KALRN: variants seen among roughly 807,000 people sequenced by gnomAD.
The protein encoded by KALRN is kalirin RhoGEF kinase, also known as kalirin.
In KALRN, 70 loss-of-function variants were observed where a neutral mutation model predicts 353.7. The ratio of observed to expected loss-of-function variants is 0.20; its 90% CI spans 0.16 to 0.24. KALRN has a LOEUF of 0.24. Ranked by LOEUF, KALRN falls within the 10% of genes least tolerant of loss-of-function variation. KALRN has a pLI of 1.00. For missense variants in KALRN, 2,791 were observed against 3,756.7 expected (o/e 0.74, Z 6.72); for synonymous variants, 1,391 against 1,434.8 (o/e 0.97, Z 0.69).
chr3:124,696,038 C>T, intron 53 of KALRN, 96 bp from the exon 54 acceptor site: 1 of 1,329,258 alleles, frequency 7.5e-7, no homozygotes, highest in Non-Finnish European at 1.1e-6. Context: ...TGAGGACTCT[C>T]AGCTCAGCAC....
chr3:124,441,554 A>G (rs2093665803), intron 18 of KALRN, among the ~76,000 whole-genome samples: 1 of 152,186 alleles, frequency 6.6e-6, no homozygotes, highest in African/African-American at 2.4e-5. Flanking sequence ...GCCAGGTGCC[A>G]TGGCTCATGC....
intron 28 of KALRN, among the ~76,000 whole-genome samples, chr3:124,485,325 A>G (rs1431998163): frequency 6.6e-6 from 1 of 152,184 alleles, no homozygotes; most frequent in Non-Finnish European, 1.5e-5. Flanking sequence ...GCAGTTCTAA[A>G]AGAAATATAG....
At chr3:124,538,442 T>G (rs982229789) in intron 33 of KALRN, among the ~76,000 whole-genome samples, 5 of 152,148 alleles carry the variant, frequency 3.3e-5, no homozygotes, top group Non-Finnish European at 7.4e-5. Flanking sequence ...GCATTGTGAA[T>G]AAGGTGGGAC....
intron 10 of KALRN, among the ~76,000 whole-genome samples, chr3:124,356,207 C>T (rs1249518772): frequency 6.6e-6 from 1 of 152,040 alleles, no homozygotes; most frequent in Non-Finnish European, 1.5e-5. Flanking sequence ...TCTCTCTGGC[C>T]CACTGAGGTT....
chr3:124,138,897 G>A (rs946231158), intron 1 of KALRN, among the ~76,000 whole-genome samples: 3 of 152,138 alleles, frequency 2.0e-5, no homozygotes, highest in African/African-American at 7.2e-5. Flanking sequence ...TAGTGTGAGG[G>A]AGCCCAAAAG....
At chr3:124,690,389 T>G (rs1265157091) in intron 51 of KALRN, among the ~76,000 whole-genome samples, 1 of 152,208 alleles carries the variant, frequency 6.6e-6, no homozygotes, top group Non-Finnish European at 1.5e-5. Context: ...GGGAGGAATC[T>G]TCTATGACCG....
chr3:124,276,959 ACACACACATGTGTGCACACGTG>A (rs1187213967), intron 5 of KALRN, among the ~76,000 whole-genome samples: 2 of 152,056 alleles, frequency 1.3e-5, no homozygotes, highest in Non-Finnish European at 2.9e-5. Flanking sequence ...GTGCGCATGC[ACACACACATGTGTGCACACGTG>A]CACACACACA....
intron 24 of KALRN, 41 bp from the exon 25 acceptor site, chr3:124,462,483 C>G: frequency 8.4e-7 from 1 of 1,193,326 alleles, no homozygotes; most frequent in Non-Finnish European, 1.2e-6. Context: ...TTTATATGGC[C>G]TGCCAGACTT....
rs116767681 is a variant in KALRN, at chr3:124,087,010, T to G, written c.73+53197T>G. The stretch of plus-strand genomic sequence containing the variant: ...TCATCATTCTTTATTCATAGCTGCA[T>G]AGTGTTTCTTTGTGAAAGTATACTG... On this transcript the variant is annotated intron_variant, in intron 1 of 59. Coordinates refer to ENST00000682506, the MANE Select transcript of KALRN (RefSeq NM_001388419.1). 1.6e-3 allele frequency among the ~76,000 whole-genome samples: 238 copies of G among 152,338 alleles called. 4 individuals carry two copies. The highest frequency in any genetic ancestry group is 3.1e-3 in the Non-Finnish European group (211 of 68,020).
intron 16 of KALRN, among the ~76,000 whole-genome samples, chr3:124,431,720 T>C (rs77734134): frequency 0.052 from 7,919 of 152,268 alleles, 691 homozygotes; most frequent in African/African-American, 0.18. Context: ...TAATGAGTCA[T>C]TTCTACAACA....
At chr3:124,648,414 G>A (rs375062042) in intron 37 of KALRN, among the ~76,000 whole-genome samples, 17 of 152,228 alleles carry the variant, frequency 1.1e-4, no homozygotes, top group African/African-American at 3.9e-4. Flanking sequence ...GATGTTCTTT[G>A]TTCTGTAGAA....
intron 33 of KALRN, among the ~76,000 whole-genome samples, chr3:124,527,702 A>T (rs2067711664): frequency 6.6e-6 from 1 of 152,160 alleles, no homozygotes; most frequent in South Asian, 2.1e-4. Context: ...CCCAGTCTTC[A>T]TGCCTCCACT....
In KALRN at chr3:124,637,309, T is replaced by C. The variant is rs368724815; in HGVS notation, c.5664+6T>C. The stretch of plus-strand genomic sequence containing the variant: ...AGTTGGTCAAAAACAAGCTGGTAAG[T>C]GGGGGTCCTGGAGGCAGTTCTGTGT... On this transcript the variant is annotated splice_donor_region_variant and intron_variant, in intron 37 of 59. Coordinates refer to ENST00000682506, the MANE Select transcript of KALRN (RefSeq NM_001388419.1). 9.9e-6 allele frequency: 16 copies of C among 1,608,364 alleles called. No homozygotes were observed. The highest frequency in any genetic ancestry group is 1.2e-5 in the Non-Finnish European group (14 of 1,174,936).
intron 34 of KALRN, among the ~76,000 whole-genome samples, chr3:124,590,348 G>A (rs2075652816): frequency 6.6e-6 from 1 of 152,156 alleles, no homozygotes; most frequent in African/African-American, 2.4e-5. Context: ...AACAATCACT[G>A]ATAATCCTGT....
chr3:124,449,221 T>C (rs1045959889), intron 21 of KALRN, among the ~76,000 whole-genome samples: 2 of 152,276 alleles, frequency 1.3e-5, no homozygotes, highest in East Asian at 3.9e-4. Context: ...GTGGCCCTTA[T>C]GGTTGAATAG....
At chr3:124,293,093 A>G (rs566760934) in intron 5 of KALRN, among the ~76,000 whole-genome samples, 1 of 152,292 alleles carries the variant, frequency 6.6e-6, no homozygotes, top group African/African-American at 2.4e-5. Context: ...ACCCGCAAGG[A>G]GGTTGTTAGT....
chr3:124,636,704 G>A (rs1483875024), intron 36 of KALRN, among the ~76,000 whole-genome samples: 4 of 145,220 alleles, frequency 2.8e-5, no homozygotes, highest in Non-Finnish European at 6.1e-5. Context: ...CCTGCCCCTA[G>A]CATTTTTGCT....
At chr3:124,448,717 T>C (rs1190906398) in intron 21 of KALRN, among the ~76,000 whole-genome samples, 2 of 152,140 alleles carry the variant, frequency 1.3e-5, no homozygotes, top group East Asian at 3.8e-4. Flanking sequence ...CGTATAACCC[T>C]TCACCTGGCA....
At chr3:124,566,460 A>G (rs2072848589) in intron 34 of KALRN, among the ~76,000 whole-genome samples, 2 of 151,732 alleles carry the variant, frequency 1.3e-5, no homozygotes, top group South Asian at 4.2e-4. Flanking sequence ...AGCCATGATC[A>G]TACCACTGTG....
Sources: gnomAD v4.1 joint callset for allele counts (sites outside exome capture counted in the v4.1 genomes callset) on GRCh38, gnomAD v4.1.1 for gene constraint, MANE v1.5 for transcripts, NCBI Gene and HGNC (gene_info 2026-07-23, HGNC 2026-07-21) for gene names.